The following CHCHD6 variants were observed in gnomAD, a reference collection of about 807,000 sequenced individuals.
The protein encoded by CHCHD6 is coiled-coil-helix-coiled-coil-helix domain containing 6.
A neutral mutation model predicts 32.3 loss-of-function variants in CHCHD6; 28 were observed. The ratio of observed to expected loss-of-function variants is 0.87; its 90% CI spans 0.64 to 1.19. The LOEUF (loss-of-function observed/expected upper bound fraction) is 1.19, where lower values mean the gene tolerates loss of function less well. Ranked by LOEUF, CHCHD6 falls within the 50% of genes most tolerant of loss-of-function variation. CHCHD6 has a pLI of 0.00. For missense variants in CHCHD6, 333 were observed against 307.0 expected, an observed-to-expected ratio of 1.08 and a Z score of -0.63; for synonymous variants, 122 against 117.5, an observed-to-expected ratio of 1.04 and a Z score of -0.25.
chr3:126,826,846 T>C (rs1940415513), intron 4 of CHCHD6, among the ~76,000 whole-genome samples: 1 of 152,098 alleles, frequency 6.6e-6, no homozygotes, highest in Non-Finnish European at 1.5e-5. Context: ...TTTTGCAGAA[T>C]TAGGACAAGA....
intron 1 of CHCHD6, among the ~76,000 whole-genome samples, chr3:126,720,671 C>T (rs1192885238): frequency 6.6e-6 from 1 of 152,156 alleles, no homozygotes; most frequent in Non-Finnish European, 1.5e-5. Flanking sequence ...GCCTGTGTTC[C>T]CTGAAGTGCT....
chr3:126,719,324 G>A lies in CHCHD6; in HGVS notation c.88-7754G>A, dbSNP rs899762575. On this transcript the variant is annotated intron_variant, in intron 1 of 7. Transcript: ENST00000290913. ...ATGTGGTTGAGCATCTCATCGCTGG[G>A]CGGGCGTCTTAACAGGAATGTCACG... is the stretch of plus-strand genomic sequence containing the variant. Among the ~76,000 whole-genome samples, 9 of 152,326 alleles carry A rather than the reference G, an allele frequency of 5.9e-5. No homozygotes were observed. In the Middle Eastern group the frequency reaches 0.01, roughly 173 times the overall value.
At chr3:126,781,196 G>A (rs895557150) in intron 4 of CHCHD6, among the ~76,000 whole-genome samples, 1 of 152,198 alleles carries the variant, frequency 6.6e-6, no homozygotes, top group Non-Finnish European at 1.5e-5. Flanking sequence ...GAAGGTAGGA[G>A]CTTTAGAGGG....
intron 6 of CHCHD6, among the ~76,000 whole-genome samples, chr3:126,924,653 C>A (rs1366121602): frequency 1.3e-5 from 2 of 152,180 alleles, no homozygotes; most frequent in African/African-American, 4.8e-5. Context: ...GGCTTCTGAC[C>A]CTCTGAGGTG....
intron 5 of CHCHD6, among the ~76,000 whole-genome samples, chr3:126,871,088 T>C (rs1268682185): frequency 6.6e-6 from 1 of 152,320 alleles, no homozygotes; most frequent in Non-Finnish European, 1.5e-5. Context: ...TTCCCTGACA[T>C]ACGTTCCAAT....
intron 4 of CHCHD6, among the ~76,000 whole-genome samples, chr3:126,750,455 G>C (rs1228220952): frequency 1.3e-5 from 2 of 152,278 alleles, no homozygotes; most frequent in African/African-American, 2.4e-5. Context: ...GATGGGGGCA[G>C]TGTTTTCTAC....
chr3:126,772,853 T>A (rs1179200771), intron 4 of CHCHD6, among the ~76,000 whole-genome samples: 2 of 152,218 alleles, frequency 1.3e-5, no homozygotes, highest in Non-Finnish European at 2.9e-5. Context: ...TGTGTTTTTG[T>A]AGTGGCCAGT....
At chr3:126,708,650 G>GA (rs552128932) in intron 1 of CHCHD6, among the ~76,000 whole-genome samples, 20,039 of 90,680 alleles carry the variant, frequency 0.22, 1,664 homozygotes, top group South Asian at 0.37. Context: ...CCCATCTCTT[G>GA]AAAAAAAAAA....
At chr3:126,863,252 C>T (rs1942028214) in intron 5 of CHCHD6, among the ~76,000 whole-genome samples, 1 of 144,532 alleles carries the variant, frequency 6.9e-6, no homozygotes, top group East Asian at 2.2e-4. Context: ...ATCACCACCT[C>T]CTCCTCCACC....
intron 4 of CHCHD6, among the ~76,000 whole-genome samples, chr3:126,789,597 G>A (rs898714776): frequency 6.6e-6 from 1 of 152,082 alleles, no homozygotes; most frequent in East Asian, 1.9e-4. Flanking sequence ...TGTCTCTTTT[G>A]ATCTTTGTTG....
chr3:126,945,398 G>C (rs1241428912), intron 6 of CHCHD6, among the ~76,000 whole-genome samples: 1 of 151,890 alleles, frequency 6.6e-6, no homozygotes, highest in African/African-American at 2.4e-5. Context: ...AAGGAGCCAG[G>C]CTGGAGGAGC....
At chr3:126,755,319 C>T (rs1000359872) in intron 4 of CHCHD6, among the ~76,000 whole-genome samples, 4 of 152,204 alleles carry the variant, frequency 2.6e-5, no homozygotes, top group Non-Finnish European at 5.9e-5. Context: ...CTGTATAGGG[C>T]AGCCCAAGGC....
intron 4 of CHCHD6, 93 bp downstream of exon 4, chr3:126,733,315 C>T: frequency 7.9e-7 from 1 of 1,262,380 alleles, no homozygotes; most frequent in Non-Finnish European, 1.1e-6. Flanking sequence ...GTCTGAAGCC[C>T]TGCTGGCTCA....
At chr3:126,728,500 A>G (rs1385666404) in intron 2 of CHCHD6, among the ~76,000 whole-genome samples, 4 of 152,174 alleles carry the variant, frequency 2.6e-5, no homozygotes, top group African/African-American at 9.7e-5. Context: ...CTTTCTGAAT[A>G]TCTACCACTG....
At chr3:126,706,609 G>T (rs1327176158) in intron 1 of CHCHD6, among the ~76,000 whole-genome samples, 2 of 152,054 alleles carry the variant, frequency 1.3e-5, no homozygotes, top group Non-Finnish European at 2.9e-5. Context: ...GTCCAGAGGT[G>T]CACAGTAAGG....
intron 1 of CHCHD6, among the ~76,000 whole-genome samples, chr3:126,712,514 C>T (rs925295410): frequency 1.3e-5 from 2 of 152,144 alleles, no homozygotes; most frequent in Non-Finnish European, 2.9e-5. Flanking sequence ...TCATCTCGGG[C>T]CAGTTCCCAC....
intron 4 of CHCHD6, among the ~76,000 whole-genome samples, chr3:126,776,521 T>C (rs976012972): frequency 6.6e-6 from 1 of 152,236 alleles, no homozygotes; most frequent in African/African-American, 2.4e-5. Flanking sequence ...TTTTTTGTCC[T>C]GTTTGGATCG....
At chr3:126,846,350 A>G (rs1455172182) in intron 4 of CHCHD6, among the ~76,000 whole-genome samples, 3 of 152,228 alleles carry the variant, frequency 2.0e-5, no homozygotes, top group Non-Finnish European at 2.9e-5. Context: ...TGGGCAAACA[A>G]TAGGGTAACC....
rs554985811 is a variant in CHCHD6 at position 126,740,898 on chromosome 3, C to G, written c.411+7676C>G. On this transcript the variant is annotated intron_variant, in intron 4 of 7. Coordinates refer to ENST00000290913, the MANE Select transcript of CHCHD6 (RefSeq NM_032343.3). ...CCAAAAATGAACTTTGATTTATTTC[C>G]TGTATATTTTATCTAAACTGAGGGT... Among the ~76,000 whole-genome samples, 3 of 152,238 alleles carry G rather than the reference C, an allele frequency of 2.0e-5. No individual in the cohort carries two copies. The South Asian group carries it at 6.2e-4, about 32-fold the overall frequency.
Sources: gnomAD v4.1 joint callset for allele counts (sites outside exome capture counted in the v4.1 genomes callset) on GRCh38, gnomAD v4.1.1 for gene constraint, MANE v1.5 for transcripts, NCBI Gene and HGNC (gene_info 2026-07-23, HGNC 2026-07-21) for gene names.